Variants in HTR1D observed in about 807,000 individuals in gnomAD.
The protein encoded by HTR1D is 5-hydroxytryptamine receptor 1D.
HTR1D carries 18 observed loss-of-function variants against 21.1 expected under a neutral mutation model. The observed-to-expected ratio is 0.85, with a 90% CI of 0.59 to 1.27. The LOEUF (loss-of-function observed/expected upper bound fraction) is 1.27. HTR1D is among the 50% of genes most tolerant of loss of function. HTR1D has a pLI of 0.00. For missense variants in HTR1D, 456 were observed against 481.4 expected, an observed-to-expected ratio of 0.95 and a Z score of 0.49; for synonymous variants, 196 against 204.4, an observed-to-expected ratio of 0.96 and a Z score of 0.35.
rs372300368 is a variant in HTR1D at position 23,206,244 on chromosome 1, G to A, written c.-783+11047C>T. The stretch of plus-strand genomic sequence containing the variant: ...TTTTTAGTAGAGACGGGGTTTCACC[G>A]TGGTTTCGATCTCCTGACCTCGTGA... On this transcript the variant is annotated intron_variant, in intron 1 of 1. Coordinates refer to ENST00000374619, the MANE Select transcript of HTR1D (RefSeq NM_000864.5). Among the ~76,000 whole-genome samples, 41 of 151,792 alleles carry A rather than the reference G, an allele frequency of 2.7e-4. 1 individual carries two copies. The highest frequency in any genetic ancestry group is 3.4e-3 in the Middle Eastern group (1 of 292).
chr1:23,208,034 A>T (rs1408412933), intron 1 of HTR1D, among the ~76,000 whole-genome samples: 2 of 151,732 alleles, frequency 1.3e-5, no homozygotes, highest in Non-Finnish European at 2.9e-5. Flanking sequence ...AAGTGCTGGG[A>T]TTATAGGCGT....
In HTR1D at chr1:23,192,531, A is replaced by C. The variant is rs1644661939; in HGVS notation, c.*555T>G. ...TCTTGTAGGTCACACACTTCTTCCA[A>C]CAAAGAGGAACTGTGAAAACATTAT... On this transcript the variant is annotated 3_prime_UTR_variant, in exon 2 of 2. Transcript: ENST00000374619. 6.5e-6 allele frequency: 1 copy of C among 152,706 alleles called. No homozygotes were observed. The allele number at this position is 152,706 out of a possible 1,614,324, so 9.5% of individuals were successfully genotyped here.
intron 1 of HTR1D, among the ~76,000 whole-genome samples, chr1:23,216,953 C>T (rs1007601159): frequency 1.5e-4 from 23 of 151,992 alleles, no homozygotes; most frequent in African/African-American, 5.6e-4. Context: ...CGGGGCCCCT[C>T]GGGGGGCGTC....
At chr1:23,215,749 C>T (rs944509) in intron 1 of HTR1D, among the ~76,000 whole-genome samples, 77,085 of 152,114 alleles carry the variant, frequency 0.51, 20,296 homozygotes, top group Non-Finnish European at 0.59. Flanking sequence ...TTCTGGAAGG[C>T]GGTGAGCCAG....
In HTR1D at chr1:23,216,265, A is replaced by G. The variant is rs557157245; in HGVS notation, c.-783+1026T>C. ...GGAGGGGTTGCTGCTGCTGCTACTC[A>G]GAGAAATGATGGCCACTAGTGGCTG... is the stretch of plus-strand genomic sequence containing the variant. On this transcript the variant is annotated intron_variant, in intron 1 of 1. Transcript: ENST00000374619. Among the ~76,000 whole-genome samples the G allele has an allele frequency of 1.7e-3, 256 of 152,378 alleles. 1 individual carries two copies. Among genetic ancestry groups the G allele is most frequent in the Admixed American group, 2.7e-3 (41 of 15,304 alleles).
chr1:23,207,757 C>G (rs1196699182), intron 1 of HTR1D, among the ~76,000 whole-genome samples: 1 of 138,040 alleles, frequency 7.2e-6, no homozygotes. Flanking sequence ...AGGCAAGAGC[C>G]TCTTTTTTTT....
intron 1 of HTR1D, among the ~76,000 whole-genome samples, chr1:23,206,360 C>T (rs542014665): frequency 5.3e-5 from 8 of 152,272 alleles, no homozygotes; most frequent in African/African-American, 1.9e-4. Context: ...ACAGTCTGAC[C>T]AGGTCACTCC....
chr1:23,211,544 A>G (rs1478916703), intron 1 of HTR1D, among the ~76,000 whole-genome samples: 12 of 152,200 alleles, frequency 7.9e-5, no homozygotes, highest in Non-Finnish European at 1.2e-4. Context: ...GCTGGGTCCA[A>G]TGATACCTAT....
chr1:23,200,379 G>A (rs538876844), intron 1 of HTR1D, among the ~76,000 whole-genome samples: 13 of 152,276 alleles, frequency 8.5e-5, no homozygotes, highest in East Asian at 7.7e-4. Flanking sequence ...CTACTGCTTC[G>A]CTTTCTTGCT....
chr1:23,211,607 TTTTA>T (rs1644753576), intron 1 of HTR1D, among the ~76,000 whole-genome samples: 1 of 144,210 alleles, frequency 6.9e-6, no homozygotes, highest in African/African-American at 2.6e-5. Flanking sequence ...TCCAAATCCT[TTTTA>T]TGTATGTATG....
chr1:23,214,525 A>G (rs553627858), intron 1 of HTR1D, among the ~76,000 whole-genome samples: 2 of 152,210 alleles, frequency 1.3e-5, no homozygotes, highest in East Asian at 1.9e-4. Flanking sequence ...ACAAGGCCCT[A>G]CGTGATCTGC....
rs1352807793 is a variant in HTR1D, at chr1:23,193,363, A to G, written c.857T>C (p.Leu286Pro). The change falls in exon 2 of 2, where the codon CTG (leucine) becomes CCG (proline). Residue 286 changes from leucine (L) to proline (P), a missense_variant. By Grantham distance (98) the Leu-to-Pro change is moderately conservative. Transcript: ENST00000374619. ...HVKIKLADSALERKRISAARE... is the reference protein window; with the variant it reads ...HVKIKLADSAPERKRISAARE... ...AGCAGCAGAAATCCTCTTGCGTTCC[A>G]GGGCACTGTCAGCAAGCTTGATTTT... 2.5e-6 allele frequency: 4 copies of G among 1,614,198 alleles called. No homozygotes were observed. Among genetic ancestry groups the G allele is most frequent in the Non-Finnish European group, 3.4e-6 (4 of 1,180,034 alleles).
intron 1 of HTR1D, among the ~76,000 whole-genome samples, chr1:23,203,899 C>T (rs1644719477): frequency 6.6e-6 from 1 of 152,098 alleles, no homozygotes; most frequent in African/African-American, 2.4e-5. Flanking sequence ...AATCCCAGCA[C>T]TTTGGGAGGC....
intron 1 of HTR1D, among the ~76,000 whole-genome samples, chr1:23,208,963 G>A (rs1458282308): frequency 1.3e-5 from 2 of 151,606 alleles, no homozygotes; most frequent in Non-Finnish European, 2.9e-5. Flanking sequence ...AATATTTTGG[G>A]TGTAGTAGGT....
intron 1 of HTR1D, among the ~76,000 whole-genome samples, chr1:23,212,610 G>A (rs1039971632): frequency 1.3e-5 from 2 of 152,126 alleles, no homozygotes; most frequent in South Asian, 2.1e-4. Flanking sequence ...GCAGGGATAC[G>A]GCTTTGTTCA....
rs764348555 is a variant in HTR1D at position 23,206,461 on chromosome 1, C to T, written c.-783+10830G>A. Among the ~76,000 whole-genome samples, 3 of 152,290 alleles carry T rather than the reference C, an allele frequency of 2.0e-5. No individual in the cohort carries two copies. In the East Asian group the frequency reaches 5.8e-4, roughly 29 times the overall value. Reference sequence around the variant, plus strand: ...GAGACTCTTCATGAACTGGTGTTTCCTTCCATCTCCAGCCCCATCTCCCAG... The same window carrying T: ...GAGACTCTTCATGAACTGGTGTTTCTTTCCATCTCCAGCCCCATCTCCCAG... On this transcript the variant is annotated intron_variant, in intron 1 of 1. Coordinates refer to ENST00000374619, the MANE Select transcript of HTR1D (RefSeq NM_000864.5).
chr1:23,194,374 T>C lies in HTR1D; in HGVS notation c.-155A>G. The C allele has an allele frequency of 1.7e-6, 1 of 587,556 alleles. No individual in the cohort carries two copies. Among genetic ancestry groups the C allele is most frequent in the East Asian group, 2.7e-5 (1 of 36,496 alleles). 36.4% of individuals were successfully genotyped at this position (587,556 alleles called of 1,614,324 possible). ...TGAAAAGGTCTCAAGACCAGACTAT[T>C]CTCTAAGTACAGTTGCAATAAAATA... On this transcript the variant is annotated 5_prime_UTR_variant, in exon 2 of 2. Transcript: ENST00000374619.
In HTR1D at chr1:23,193,467, G is replaced by T. The variant is rs371786625; in HGVS notation, c.753C>A (p.Ser251=). The T allele has an allele frequency of 1.9e-6, 3 of 1,614,068 alleles. No individual in the cohort carries two copies. The highest frequency in any genetic ancestry group is 2.5e-6 in the Non-Finnish European group (3 of 1,180,012). ...GGCTGGAGTTGAGCGAGCAGAGCGA[G>T]GACCCGGCAGAGCCTGTGATGAGGT... ...TAHLITGSAG[S]SLCSLNSSLH... Residue 251 remains serine (S), a synonymous_variant, in exon 2 of 2, where the codon TCC becomes TCA. Transcript: ENST00000374619.
At position 23,194,091 on chromosome 1, in the gene HTR1D, C is replaced by A. The variant is rs936325220; in HGVS notation, c.129G>T (p.Val43=). Residue 43 remains valine (V), a synonymous_variant, in exon 2 of 2, where the codon GTG becomes GTT. Transcript: ENST00000374619. The part of the protein sequence containing the change: ...TLQALKISLA[V]VLSVITLATV... The stretch of plus-strand genomic sequence containing the variant: ...TGGCCAGTGTGATGACGGAAAGGAC[C>A]ACGGCAAGGGAGATCTTGAGCGCCT... The A allele has an allele frequency of 6.2e-7, 1 of 1,613,958 alleles. No individual in the cohort carries two copies. Among genetic ancestry groups the A allele is most frequent in the Non-Finnish European group, 8.5e-7 (1 of 1,180,016 alleles).
Sources: allele counts gnomAD v4.1 joint callset (sites outside exome capture counted in the v4.1 genomes callset), GRCh38; gene constraint gnomAD v4.1.1; transcripts MANE v1.5; gene names NCBI Gene and HGNC (gene_info 2026-07-23, HGNC 2026-07-21).